LRMDA: variants seen among roughly 807,000 people sequenced by gnomAD.
LRMDA encodes the protein leucine-rich melanocyte differentiation-associated protein.
A neutral mutation model predicts 29.8 loss-of-function variants in LRMDA; 18 were observed. The ratio of observed to expected loss-of-function variants is 0.60; its 90% CI spans 0.42 to 0.90. The LOEUF (loss-of-function observed/expected upper bound fraction) is 0.90, where lower values mean the gene tolerates loss of function less well. Ranked by LOEUF, LRMDA falls within the 40% of genes least tolerant of loss-of-function variation. The pLI, the probability that LRMDA is intolerant of heterozygous loss-of-function variation, is 0.00. For missense variants in LRMDA, 273 were observed against 273.9 expected (o/e 1.00, Z 0.02); for synonymous variants, 125 against 109.4 (o/e 1.14, Z -0.89).
intron 2 of LRMDA, among the ~76,000 whole-genome samples, chr10:75,929,776 G>A (rs1332726091): frequency 6.6e-6 from 1 of 152,074 alleles, no homozygotes; most frequent in Admixed American, 6.6e-5. Flanking sequence ...GCATGACCAG[G>A]GCTTATCCCA....
At chr10:75,930,393 G>A (rs756545607) in intron 2 of LRMDA, among the ~76,000 whole-genome samples, 34 of 152,146 alleles carry the variant, frequency 2.2e-4, no homozygotes, top group Non-Finnish European at 3.8e-4. Flanking sequence ...GCACACTGCA[G>A]GTGAGAGCAT....
At chr10:76,545,049 G>A (rs993550442) in intron 6 of LRMDA, among the ~76,000 whole-genome samples, 11 of 152,178 alleles carry the variant, frequency 7.2e-5, no homozygotes, top group African/African-American at 2.7e-4. Flanking sequence ...GCAGGTGGAG[G>A]CTGGACCAAT....
intron 5 of LRMDA, among the ~76,000 whole-genome samples, chr10:76,276,171 C>G (rs1840132301): frequency 6.6e-6 from 1 of 151,890 alleles, no homozygotes; most frequent in African/African-American, 2.4e-5. Flanking sequence ...GAGAATGGGT[C>G]TCCTGTTCAC....
At chr10:75,465,984 A>G (rs1844645669) in intron 2 of LRMDA, among the ~76,000 whole-genome samples, 1 of 152,238 alleles carries the variant, frequency 6.6e-6, no homozygotes. Flanking sequence ...TGATTAAGGC[A>G]CTAAAAGATT....
intron 6 of LRMDA, among the ~76,000 whole-genome samples, chr10:76,363,211 A>AGGGAGGGAGGGAGGGAAGGG (rs1564520715): frequency 9.9e-5 from 1 of 10,054 alleles, no homozygotes; most frequent in African/African-American, 5.9e-4. Flanking sequence ...GGAGGGAGGG[A>AGGGAGGGAGGGAGGGAAGGG]AGGAAGAGAA....
intron 6 of LRMDA, among the ~76,000 whole-genome samples, chr10:76,333,471 G>T (rs1840928637): frequency 6.6e-6 from 1 of 152,144 alleles, no homozygotes; most frequent in Non-Finnish European, 1.5e-5. Flanking sequence ...TCTAGCAAAG[G>T]TAATTTAGAA....
chr10:76,545,360 T>C (rs976533933), intron 6 of LRMDA, among the ~76,000 whole-genome samples: 7 of 151,852 alleles, frequency 4.6e-5, no homozygotes, highest in Admixed American at 4.6e-4. Context: ...AATTTCTGCT[T>C]GAGAGCAAAG....
chr10:75,543,860 C>G (rs1015840178), intron 2 of LRMDA, among the ~76,000 whole-genome samples: 4 of 152,010 alleles, frequency 2.6e-5, no homozygotes, highest in Non-Finnish European at 5.9e-5. Flanking sequence ...CTGAAATGTC[C>G]CTGATGATTT....
At chr10:75,958,966 A>G (rs1846713710) in intron 2 of LRMDA, among the ~76,000 whole-genome samples, 1 of 152,306 alleles carries the variant, frequency 6.6e-6, no homozygotes, top group African/African-American at 2.4e-5. Context: ...TACCGCGAGA[A>G]CAGTATGGGA....
intron 6 of LRMDA, among the ~76,000 whole-genome samples, chr10:76,447,522 A>G (rs1260335644): frequency 1.3e-5 from 2 of 152,138 alleles, no homozygotes; most frequent in Non-Finnish European, 2.9e-5. Flanking sequence ...AGTAGTTTCC[A>G]TGTGGCTCCC....
At chr10:75,924,234 A>G (rs1447103328) in intron 2 of LRMDA, among the ~76,000 whole-genome samples, 2 of 152,204 alleles carry the variant, frequency 1.3e-5, no homozygotes, top group Non-Finnish European at 2.9e-5. Flanking sequence ...GTGAACTTTA[A>G]TGGGATTTGA....
intron 6 of LRMDA, among the ~76,000 whole-genome samples, chr10:76,424,693 T>C (rs1320951896): frequency 2.6e-5 from 4 of 152,244 alleles, no homozygotes; most frequent in Non-Finnish European, 5.9e-5. Context: ...ATTACCCATT[T>C]AATAAAATGG....
At chr10:76,534,754 G>T (rs2132377334) in intron 6 of LRMDA, among the ~76,000 whole-genome samples, 1 of 152,206 alleles carries the variant, frequency 6.6e-6, no homozygotes, top group South Asian at 2.1e-4. Flanking sequence ...TTGTCACCTT[G>T]CGGGGGTATA....
intron 6 of LRMDA, among the ~76,000 whole-genome samples, chr10:76,530,316 A>G (rs1843220480): frequency 6.6e-6 from 1 of 152,228 alleles, no homozygotes; most frequent in Admixed American, 6.5e-5. Flanking sequence ...AAGAGAAAGT[A>G]AAAACTATGG....
chr10:76,065,352 A>C (rs1848766153), intron 5 of LRMDA, among the ~76,000 whole-genome samples: 1 of 152,220 alleles, frequency 6.6e-6, no homozygotes, highest in South Asian at 2.1e-4. Flanking sequence ...CAAAATACAC[A>C]ATAGAAAGAA....
chr10:76,000,784 T>C (rs1274987171), intron 2 of LRMDA, among the ~76,000 whole-genome samples: 6 of 152,144 alleles, frequency 3.9e-5, no homozygotes, highest in African/African-American at 1.4e-4. Flanking sequence ...GTGCCCTGCA[T>C]TTGAGGGTTT....
chr10:75,968,190 T>C (rs1232190858), intron 2 of LRMDA, among the ~76,000 whole-genome samples: 1 of 151,966 alleles, frequency 6.6e-6, no homozygotes, highest in African/African-American at 2.4e-5. Flanking sequence ...CTGTGAATCA[T>C]GTTAGTGGGG....
At chr10:76,486,330 C>T (rs963731012) in intron 6 of LRMDA, among the ~76,000 whole-genome samples, 3 of 151,858 alleles carry the variant, frequency 2.0e-5, no homozygotes, top group African/African-American at 7.3e-5. Context: ...CCAGTGCATG[C>T]ATTAGTCAAG....
chr10:76,118,318 GC>G (rs1849701753), intron 5 of LRMDA, among the ~76,000 whole-genome samples: 2 of 152,190 alleles, frequency 1.3e-5, no homozygotes, highest in Non-Finnish European at 2.9e-5. Flanking sequence ...CCTTAAGGGA[GC>G]CCTTGGGAGT....
Sources: allele counts gnomAD v4.1 joint callset (sites outside exome capture counted in the v4.1 genomes callset), GRCh38; gene constraint gnomAD v4.1.1; transcripts MANE v1.5; gene names NCBI Gene and HGNC (gene_info 2026-07-23, HGNC 2026-07-21).